The following CSGALNACT1 variants were observed in gnomAD, a reference collection of about 807,000 sequenced individuals.
CSGALNACT1 encodes the protein beta4GalNAcT-1.
Under a neutral mutation model 51.0 loss-of-function variants are expected in CSGALNACT1, and 52 were observed. The observed-to-expected ratio is 1.02, with a 90% CI of 0.82 to 1.29. The LOEUF (loss-of-function observed/expected upper bound fraction) is 1.29. Among genes scored for constraint, CSGALNACT1 ranks in the 50% most tolerant of loss-of-function variants. The probability of loss-of-function intolerance (pLI) is 0.00; values close to 1 mark genes in which losing one functional copy is unlikely to be tolerated. For missense variants in CSGALNACT1, 935 were observed against 679.2 expected, an observed-to-expected ratio of 1.38 and a Z score of -4.19; for synonymous variants, 341 against 254.4, an observed-to-expected ratio of 1.34 and a Z score of -3.24.
chr8:19,512,869 C>G (rs1563830244), intron 3 of CSGALNACT1, among the ~76,000 whole-genome samples: 2 of 152,158 alleles, frequency 1.3e-5, no homozygotes, highest in South Asian at 2.1e-4. Flanking sequence ...AACACTGTTT[C>G]CAGAAACCAG....
At chr8:19,404,764 G>A (rs750793117) in exon 10 of CSGALNACT1, 47 of 454,364 alleles carry the variant, frequency 1.0e-4, no homozygotes, top group Non-Finnish European at 1.9e-4. Context: ...GAGAAAATGT[G>A]GTTTCTGACT....
intron 4 of CSGALNACT1, among the ~76,000 whole-genome samples, chr8:19,498,772 T>C (rs1167635242): frequency 6.6e-6 from 1 of 152,204 alleles, no homozygotes; most frequent in Non-Finnish European, 1.5e-5. Context: ...TCATAACATA[T>C]TCTTAATAGG....
chr8:19,558,979 AT>A (rs2040097454), intron 3 of CSGALNACT1, among the ~76,000 whole-genome samples: 1 of 152,186 alleles, frequency 6.6e-6, no homozygotes, highest in South Asian at 2.1e-4. Context: ...TCATTTCCAA[AT>A]ATTTGATGTT....
At chr8:19,746,223 C>A (rs531443102) in intron 1 of CSGALNACT1, among the ~76,000 whole-genome samples, 4 of 152,244 alleles carry the variant, frequency 2.6e-5, no homozygotes, top group South Asian at 2.1e-4. Context: ...ATTTCAGTCT[C>A]CTGTGAGCTC....
At chr8:19,468,368 G>A (rs1287745400) in intron 4 of CSGALNACT1, among the ~76,000 whole-genome samples, 2 of 152,210 alleles carry the variant, frequency 1.3e-5, no homozygotes, top group African/African-American at 4.8e-5. Flanking sequence ...GAGAATGCTG[G>A]AAAGGCCGAC....
Position 19,716,612 on chromosome 8 carries a change from C to CAAAAAAAAA in CSGALNACT1, c.-297+41229_-297+41237dup, listed in dbSNP as rs60464594. On this transcript the variant is annotated intron_variant, in intron 1 of 1. Transcript: ENST00000517494. ...GGCCAACATGGTAAAACCCTCTCTA[C>CAAAAAAAAA]AAAAAAAAAAAAAAAAAAAAAAAAA... is the stretch of plus-strand genomic sequence containing the variant. Among the ~76,000 whole-genome samples the CAAAAAAAAA allele has an allele frequency of 6.0e-4, 25 of 41,982 alleles. 4 individuals carry two copies. Among genetic ancestry groups the CAAAAAAAAA allele is most frequent in the East Asian group, 8.4e-4 (1 of 1,190 alleles). 27.5% of individuals were successfully genotyped at this position (41,982 alleles called of 152,430 possible).
intron 1 of CSGALNACT1, among the ~76,000 whole-genome samples, chr8:19,667,281 A>G (rs1461056342): frequency 6.6e-6 from 1 of 150,990 alleles, no homozygotes; most frequent in Non-Finnish European, 1.5e-5. Context: ...AAAAAAATAC[A>G]AAAATTAGCT....
chr8:19,411,730 A>G (rs1478530849), intron 8 of CSGALNACT1, among the ~76,000 whole-genome samples: 1 of 152,220 alleles, frequency 6.6e-6, no homozygotes, highest in Non-Finnish European at 1.5e-5. Flanking sequence ...TGTCTGCTAC[A>G]ATAGAGGAGG....
Position 19,740,440 on chromosome 8 carries a change from C to T in CSGALNACT1, c.-297+17410G>A, listed in dbSNP as rs28582340. On this transcript the variant is annotated intron_variant, in intron 1 of 1. Transcript: ENST00000517494. ...TTCCTCCAGGATGAAAGGACAGTGA[C>T]GGGCGCACAGCAGAGGCTTCTTCAA... 6.8e-3 allele frequency among the ~76,000 whole-genome samples: 1,029 copies of T among 152,296 alleles called. 6 individuals carry two copies. Among genetic ancestry groups the T allele is most frequent in the African/African-American group, 0.02 (827 of 41,562 alleles).
chr8:19,606,694 C>G (rs2051419778), upstream of CSGALNACT1, among the ~76,000 whole-genome samples: 1 of 152,176 alleles, frequency 6.6e-6, no homozygotes, highest in African/African-American at 2.4e-5. Flanking sequence ...TCCTTTCACT[C>G]AAGTGGGTCA....
At chr8:19,600,135 T>A (rs1007789234) in intron 2 of CSGALNACT1, among the ~76,000 whole-genome samples, 9 of 152,104 alleles carry the variant, frequency 5.9e-5, no homozygotes, top group African/African-American at 1.7e-4. Context: ...CAGGCTGGAG[T>A]GCAATGGCGT....
chr8:19,591,997 C>T (rs904433207), intron 2 of CSGALNACT1, among the ~76,000 whole-genome samples: 1 of 151,996 alleles, frequency 6.6e-6, no homozygotes, highest in Admixed American at 6.6e-5. Context: ...TCCTGTTCAG[C>T]ATGTATAACC....
At chr8:19,729,186 A>G (rs1384413173) in intron 1 of CSGALNACT1, among the ~76,000 whole-genome samples, 1 of 152,102 alleles carries the variant, frequency 6.6e-6, no homozygotes, top group Non-Finnish European at 1.5e-5. Context: ...GAAAATTAAT[A>G]CATACACTCA....
chr8:19,618,679 GA>G (rs982243378), intron 1 of CSGALNACT1, among the ~76,000 whole-genome samples: 4 of 120,092 alleles, frequency 3.3e-5, no homozygotes, highest in Non-Finnish European at 5.4e-5. Context: ...GAAAGAAAGA[GA>G]AAAAAAAGAA....
At chr8:19,571,497 A>C (rs2043024792) in intron 3 of CSGALNACT1, among the ~76,000 whole-genome samples, 1 of 151,912 alleles carries the variant, frequency 6.6e-6, no homozygotes, top group East Asian at 1.9e-4. Flanking sequence ...AGAACCAGGG[A>C]AAGAGTCGCT....
At chr8:19,676,095 AC>A (rs72391580) in intron 1 of CSGALNACT1, among the ~76,000 whole-genome samples, 3,898 of 136,174 alleles carry the variant, frequency 0.029, 182 homozygotes, top group South Asian at 0.044. Context: ...AAAAAACAAA[AC>A]AAAACAAAAA....
intron 1 of CSGALNACT1, among the ~76,000 whole-genome samples, chr8:19,705,344 T>C (rs1361956449): frequency 6.6e-6 from 1 of 152,238 alleles, no homozygotes; most frequent in Non-Finnish European, 1.5e-5. Flanking sequence ...AATTTAAATG[T>C]TCAATAATTA....
At chr8:19,709,416 G>T (rs923502558) in intron 1 of CSGALNACT1, among the ~76,000 whole-genome samples, 4 of 152,204 alleles carry the variant, frequency 2.6e-5, no homozygotes, top group Non-Finnish European at 5.9e-5. Flanking sequence ...ATTAACAGAT[G>T]ATTTCACAAA....
chr8:19,473,115 T>G (rs1243580856), intron 4 of CSGALNACT1, among the ~76,000 whole-genome samples: 1 of 152,174 alleles, frequency 6.6e-6, no homozygotes, highest in Non-Finnish European at 1.5e-5. Context: ...AGAATGCAAT[T>G]GCTAGTTTTT....
Sources: gnomAD v4.1 joint callset for allele counts (sites outside exome capture counted in the v4.1 genomes callset) on GRCh38, gnomAD v4.1.1 for gene constraint, MANE v1.5 for transcripts, NCBI Gene and HGNC (gene_info 2026-07-23, HGNC 2026-07-21) for gene names.